RREB1: variants seen among roughly 807,000 people sequenced by gnomAD.
RREB1 encodes the protein ras responsive element binding protein 1, also known as ras-responsive element-binding protein 1.
In RREB1, 27 loss-of-function variants were observed where a neutral mutation model predicts 117.8. That is an observed-to-expected ratio of 0.23 (90% CI 0.17 to 0.32). RREB1 has a LOEUF of 0.32. Ranked by LOEUF, RREB1 falls within the 10% of genes least tolerant of loss-of-function variation. RREB1 has a pLI of 1.00. For missense variants in RREB1, 2,577 were observed against 2,378.2 expected, an observed-to-expected ratio of 1.08 and a Z score of -1.74; for synonymous variants, 1,298 against 1,026.7, an observed-to-expected ratio of 1.26 and a Z score of -5.05.
In RREB1 at chr6:7,230,083, G is replaced by A. The variant is rs777379568; in HGVS notation, c.1984G>A (p.Val662Met). The A allele has an allele frequency of 2.3e-5, 37 of 1,601,962 alleles. No homozygotes were observed. Among genetic ancestry groups the A allele is most frequent in the East Asian group, 4.5e-5 (2 of 44,618 alleles). The change falls in exon 10 of 13, where the codon GTG (valine) becomes ATG (methionine). Residue 662 changes from valine to methionine, a missense_variant. Val to Met is a conservative substitution (Grantham distance 21, BLOSUM62 1). Transcript: ENST00000379938. ...CTTCTCGGGGGTCTTGCGTGCCCAC[G>A]TGCGCTCCCACCTGGGCATCTCGCC... ...FAFSGVLRAH[V>M]RSHLGISPYQ...
chr6:7,137,281 A>G (rs1021067804), intron 1 of RREB1, among the ~76,000 whole-genome samples: 21 of 152,152 alleles, frequency 1.4e-4, no homozygotes, highest in African/African-American at 4.8e-4. Flanking sequence ...CCCCCAGGGA[A>G]GGAGCTGCCT....
In RREB1 at chr6:7,181,212, A is replaced by G. The variant is rs565516749; in HGVS notation, c.-77A>G. The G allele has an allele frequency of 1.3e-4, 53 of 398,774 alleles. No individual in the cohort carries two copies. The highest frequency in any genetic ancestry group is 5.7e-4 in the Admixed American group (13 of 22,728). 24.7% of individuals were successfully genotyped at this position (398,774 alleles called of 1,614,324 possible). The stretch of plus-strand genomic sequence containing the variant: ...GTGAATGATAGCTACAGCAGGGGAA[A>G]GTTTCATAGTCTATCAGTGGGTCAG... On this transcript the variant is annotated 5_prime_UTR_variant, in exon 3 of 13. Coordinates refer to ENST00000379938, the MANE Select transcript of RREB1 (RefSeq NM_001003699.4).
chr6:7,248,779 C>T lies in RREB1; in HGVS notation c.5040C>T (p.Ala1680=), dbSNP rs1769266382. The part of the protein sequence containing the change: ...TRSRKEGLAS[A]TKDCSHREEK... ...GCCGGAAGGAGGGCTTGGCCAGTGC[C>T]ACCAAGGACTGCAGCCACAGGGAGG... is the stretch of plus-strand genomic sequence containing the variant. The change falls in exon 13 of 13, where the codon GCC becomes GCT. Residue 1680 remains alanine (A), a synonymous_variant. Coordinates refer to ENST00000379938, the MANE Select transcript of RREB1 (RefSeq NM_001003699.4). The T allele has an allele frequency of 6.2e-7, 1 of 1,614,024 alleles. No individual in the cohort carries two copies. Among genetic ancestry groups the T allele is most frequent in the Non-Finnish European group, 8.5e-7 (1 of 1,179,988 alleles).
At chr6:7,177,851 TA>T (rs1490661114) in intron 2 of RREB1, among the ~76,000 whole-genome samples, 2 of 152,186 alleles carry the variant, frequency 1.3e-5, no homozygotes, top group Non-Finnish European at 2.9e-5. Flanking sequence ...GCCTCCTGAG[TA>T]GCTGGGATTA....
intron 3 of RREB1, chr6:7,181,476 TC>T: frequency 2.3e-6 from 1 of 427,528 alleles, no homozygotes; most frequent in Non-Finnish European, 4.1e-6. Context: ...TAGTTTTAGG[TC>T]TGGAACATTT....
intron 6 of RREB1, among the ~76,000 whole-genome samples, chr6:7,196,912 CAT>C (rs1561775149): frequency 6.6e-6 from 1 of 152,206 alleles, no homozygotes; most frequent in Non-Finnish European, 1.5e-5. Flanking sequence ...AAGTACAAAA[CAT>C]GTAGCACGGA....
rs150181015 is a variant in RREB1 at position 7,245,913 on chromosome 6, C to G, written c.3974-511C>G. On this transcript the variant is annotated intron_variant, in intron 11 of 12. Transcript: ENST00000379938. ...CAAGAGTGTGCATACCATACACACA[C>G]AACGCAGGCTTGGGGTCGTTTCCTG... is the stretch of plus-strand genomic sequence containing the variant. 1.2e-3 allele frequency among the ~76,000 whole-genome samples: 188 copies of G among 152,330 alleles called. 1 individual carries two copies. Among genetic ancestry groups the G allele is most frequent in the African/African-American group, 4.3e-3 (179 of 41,572 alleles).
At position 7,188,161 on chromosome 6, in the gene RREB1, C is replaced by G. The variant is rs574960522; in HGVS notation, c.261+638C>G. Among the ~76,000 whole-genome samples the G allele has an allele frequency of 2.0e-5, 3 of 152,208 alleles. No homozygotes were observed. In the South Asian group the frequency reaches 6.2e-4, roughly 32 times the overall value. On this transcript the variant is annotated intron_variant, in intron 5 of 12. Coordinates refer to ENST00000379938, the MANE Select transcript of RREB1 (RefSeq NM_001003699.4). ...GCAGCCTGGGTGACAGACCGGGACT[C>G]TGTCTCAAAATAAATAAATCTCAAA...
chr6:7,147,854 G>GAA (rs78572202), intron 1 of RREB1, among the ~76,000 whole-genome samples: 1 of 138,894 alleles, frequency 7.2e-6, no homozygotes, highest in Non-Finnish European at 1.6e-5. Context: ...GTGAGTTCAG[G>GAA]AAAAAAAAAA....
chr6:7,177,387 C>T (rs1764558210), intron 2 of RREB1, among the ~76,000 whole-genome samples: 1 of 151,572 alleles, frequency 6.6e-6, no homozygotes, highest in Non-Finnish European at 1.5e-5. Flanking sequence ...TCTCTCCCTC[C>T]CTCCCCTCCA....
intron 6 of RREB1, 141 bp from the exon 7 acceptor site, chr6:7,210,663 T>G (rs917060449): frequency 1.6e-6 from 1 of 637,732 alleles, no homozygotes; most frequent in Admixed American, 3.1e-5. Context: ...TTTAAAAAGA[T>G]AGAAGTCACT....
At chr6:7,141,288 G>T (rs1263224704) in intron 1 of RREB1, among the ~76,000 whole-genome samples, 1 of 152,338 alleles carries the variant, frequency 6.6e-6, no homozygotes, top group East Asian at 1.9e-4. Flanking sequence ...CGTGAGTAGA[G>T]CCGCGTCTTC....
Position 7,250,009 on chromosome 6 carries a change from G to A in RREB1, c.*1041G>A, listed in dbSNP as rs954449010. ...TCTTCTGTCACTGCAGAATTTAGAA[G>A]GGGCCGTGAGCAGTCTTCCCAAGCA... On this transcript the variant is annotated 3_prime_UTR_variant, in exon 13 of 13. Transcript: ENST00000379938. 1.9e-4 allele frequency: 29 copies of A among 152,568 alleles called. No homozygotes were observed. Among genetic ancestry groups the A allele is most frequent in the African/African-American group, 6.5e-4 (27 of 41,416 alleles). The allele number at this position is 152,568 out of a possible 1,614,324, so 9.5% of individuals were successfully genotyped here. A position where few individuals can be genotyped will look rare whatever the true frequency, so the allele number is the denominator to read the frequency against.
At chr6:7,116,447 G>A (rs781002596) in intron 1 of RREB1, among the ~76,000 whole-genome samples, 4 of 152,112 alleles carry the variant, frequency 2.6e-5, no homozygotes, top group Non-Finnish European at 4.4e-5. Flanking sequence ...AGTCTTGTCT[G>A]TTGTAATTTA....
intron 9 of RREB1, 100 bp downstream of exon 9, chr6:7,226,756 A>T (rs1767610126): frequency 3.2e-6 from 3 of 933,638 alleles, no homozygotes; most frequent in African/African-American, 1.7e-5. Context: ...TTTCCTTAAA[A>T]TGTCGGTTGG....
chr6:7,129,826 G>T (rs568850982), intron 1 of RREB1, among the ~76,000 whole-genome samples: 1 of 152,290 alleles, frequency 6.6e-6, no homozygotes, highest in South Asian at 2.1e-4. Context: ...CCTTTGGTCT[G>T]GTAGGCCCCT....
At chr6:7,171,207 G>A (rs1259377766) in intron 1 of RREB1, among the ~76,000 whole-genome samples, 1 of 152,210 alleles carries the variant, frequency 6.6e-6, no homozygotes, top group African/African-American at 2.4e-5. Context: ...TGCAGAGCAA[G>A]CGTAGTGTTT....
At chr6:7,186,411 C>T (rs939378182) in intron 4 of RREB1, among the ~76,000 whole-genome samples, 5 of 152,204 alleles carry the variant, frequency 3.3e-5, no homozygotes, top group Admixed American at 6.5e-5. Context: ...CCAGTGACTC[C>T]GATGTGGCAC....
At chr6:7,170,370 C>T (rs888423452) in intron 1 of RREB1, among the ~76,000 whole-genome samples, 1 of 152,228 alleles carries the variant, frequency 6.6e-6, no homozygotes, top group Admixed American at 6.5e-5. Flanking sequence ...TCCCCGTCAC[C>T]TGCCCCTTGT....
Sources: allele counts gnomAD v4.1 joint callset (sites outside exome capture counted in the v4.1 genomes callset), GRCh38; gene constraint gnomAD v4.1.1; transcripts MANE v1.5; gene names NCBI Gene and HGNC (gene_info 2026-07-23, HGNC 2026-07-21).